Variants in SUCO observed in about 807,000 individuals in gnomAD.
SUCO encodes the protein SUN domain containing ossification factor, also known as SUN domain-containing ossification factor.
In SUCO, 57 loss-of-function variants were observed where a neutral mutation model predicts 148.1. The observed-to-expected ratio is 0.38, with a 90% CI of 0.31 to 0.48. The LOEUF is 0.48. Among genes scored for constraint, SUCO ranks in the 20% least tolerant of loss-of-function variants. The pLI is 0.96. For missense variants in SUCO, 1,331 were observed against 1,468.2 expected (o/e 0.91, Z 1.53); for synonymous variants, 470 against 502.7 (o/e 0.93, Z 0.87).
At chr1:172,602,925 A>C in intron 22 of SUCO, 138 bp downstream of exon 22, 1 of 699,752 alleles carries the variant, frequency 1.4e-6, no homozygotes, top group South Asian at 2.0e-5. Context: ...TGCTGTGTCA[A>C]GCCACTTTAT....
At chr1:172,604,579 T>G (rs1657739667) in intron 22 of SUCO, among the ~76,000 whole-genome samples, 1 of 151,904 alleles carries the variant, frequency 6.6e-6, no homozygotes, top group African/African-American at 2.4e-5. Flanking sequence ...GCACAGTTCA[T>G]TAGTAGTAAG....
chr1:172,533,640 A>C, intron 1 of SUCO, 143 bp downstream of exon 1: 2 of 1,074,638 alleles, frequency 1.9e-6, no homozygotes, highest in East Asian at 2.7e-5. Context: ...TTACTTCTCG[A>C]CTCTCCATCT....
At position 172,556,127 on chromosome 1, in the gene SUCO, G is replaced by A. The variant is rs149079410; in HGVS notation, c.443+104G>A. 1.5e-4 allele frequency: 127 copies of A among 847,666 alleles called. 1 individual carries two copies. Among genetic ancestry groups the A allele is most frequent in the Middle Eastern group, 1.4e-3 (5 of 3,480 alleles). 52.5% of individuals were successfully genotyped at this position (847,666 alleles called of 1,614,324 possible). On this transcript the variant is annotated intron_variant, in intron 4 of 23. Coordinates refer to ENST00000263688, the MANE Select transcript of SUCO (RefSeq NM_014283.5). ...GCTTGATACTCAAGTTTGAAGTTTAGGCTATATAGCAGACCTAAATTACAG... is the reference window on the plus strand; with the variant it reads ...GCTTGATACTCAAGTTTGAAGTTTAAGCTATATAGCAGACCTAAATTACAG...
intron 6 of SUCO, chr1:172,568,249 T>G: frequency 2.2e-6 from 2 of 929,518 alleles, no homozygotes; most frequent in Non-Finnish European, 2.6e-6. Flanking sequence ...TTGGATTCCA[T>G]GATTATTACT....
At chr1:172,599,481 T>A (rs749159231) in intron 19 of SUCO, 9 of 709,794 alleles carry the variant, frequency 1.3e-5, no homozygotes, top group Non-Finnish European at 1.6e-5. Flanking sequence ...AATTCAGTGC[T>A]GCCTAAAACA....
intron 1 of SUCO, among the ~76,000 whole-genome samples, chr1:172,537,870 C>T (rs971966534): frequency 1.3e-5 from 2 of 152,126 alleles, no homozygotes; most frequent in Non-Finnish European, 2.9e-5. Context: ...AACTGTATGT[C>T]TTTGGACAAG....
At chr1:172,601,162 C>T (rs1657493979) in intron 20 of SUCO, among the ~76,000 whole-genome samples, 1 of 152,106 alleles carries the variant, frequency 6.6e-6, no homozygotes, top group African/African-American at 2.4e-5. Context: ...TGTTGGGGAA[C>T]AGCAGGAGCA....
chr1:172,554,109 A>T (rs1024988320), intron 3 of SUCO, among the ~76,000 whole-genome samples: 6 of 152,062 alleles, frequency 3.9e-5, no homozygotes, highest in African/African-American at 1.4e-4. Context: ...TTTATTTTTT[A>T]ACCTTGTACT....
chr1:172,561,698 G>A (rs190361798), intron 6 of SUCO, among the ~76,000 whole-genome samples: 1 of 152,136 alleles, frequency 6.6e-6, no homozygotes, highest in East Asian at 1.9e-4. Context: ...AGGGTTCAAG[G>A]ACCAATGAGT....
At chr1:172,609,779 A>G (rs767973965) in intron 23 of SUCO, 37 bp from the exon 24 acceptor site, 2 of 1,560,658 alleles carry the variant, frequency 1.3e-6, no homozygotes, top group East Asian at 4.5e-5. Context: ...TACTATGGGA[A>G]GTATCATTAC....
At chr1:172,561,241 A>C (rs182002350) in intron 6 of SUCO, among the ~76,000 whole-genome samples, 128 of 152,328 alleles carry the variant, frequency 8.4e-4, no homozygotes, top group African/African-American at 2.9e-3. Context: ...ATACATACCC[A>C]ACTTCCCAGG....
chr1:172,602,107 G>A lies in SUCO; in HGVS notation c.3062G>A (p.Cys1021Tyr). Residue 1021 changes from cysteine (C) to tyrosine (Y), a missense_variant, in exon 21 of 24, where the codon TGT (cysteine) becomes TAT (tyrosine). Cys to Tyr is a radical substitution (Grantham distance 194). Coordinates refer to ENST00000263688, the MANE Select transcript of SUCO (RefSeq NM_014283.5). ...QSYLVISLVLCVVLGLMLCMQ... is the reference protein window; with the variant it reads ...QSYLVISLVLYVVLGLMLCMQ... ...TATCTTGTCATATCTTTGGTTCTTTGTGTTGTCTTGGGACTGATGCTTTGT... is the reference window on the plus strand; with the variant it reads ...TATCTTGTCATATCTTTGGTTCTTTATGTTGTCTTGGGACTGATGCTTTGT... 1 of 1,612,728 alleles carries A rather than the reference G, an allele frequency of 6.2e-7. No individual in the cohort carries two copies. Among genetic ancestry groups the A allele is most frequent in the Non-Finnish European group, 8.5e-7 (1 of 1,179,438 alleles).
chr1:172,567,343 CTG>C (rs148733551), intron 6 of SUCO, among the ~76,000 whole-genome samples: 5,162 of 152,150 alleles, frequency 0.034, 264 homozygotes, highest in African/African-American at 0.12. Flanking sequence ...GAATAAATGT[CTG>C]TATTCATTAT....
At chr1:172,609,389 C>T (rs1658067218) in intron 23 of SUCO, 2 of 965,592 alleles carry the variant, frequency 2.1e-6, no homozygotes, top group Middle Eastern at 5.3e-4. Context: ...GATTCATTCT[C>T]AACCCGGCTG....
chr1:172,567,427 T>C (rs1413151026), intron 6 of SUCO, among the ~76,000 whole-genome samples: 1 of 152,254 alleles, frequency 6.6e-6, no homozygotes, highest in African/African-American at 2.4e-5. Context: ...TCTTCAGATA[T>C]AACCACTGTC....
chr1:172,574,029 A>G (rs769125506), intron 10 of SUCO, 31 bp downstream of exon 10: 11 of 1,253,116 alleles, frequency 8.8e-6, no homozygotes, highest in Middle Eastern at 1.9e-4. Context: ...TATAGGGTCT[A>G]TGTTGGATCT....
At chr1:172,543,124 A>G (rs1324384534) in intron 1 of SUCO, 19 of 517,464 alleles carry the variant, frequency 3.7e-5, no homozygotes, top group Non-Finnish European at 4.7e-5. Flanking sequence ...TTTGTCTTAC[A>G]TGCAGCTTTG....
At chr1:172,609,466 A>T in intron 23 of SUCO, 1 of 909,188 alleles carries the variant, frequency 1.1e-6, no homozygotes, top group Non-Finnish European at 1.3e-6. Context: ...TTAAGAATCA[A>T]GGATAAAATA....
At chr1:172,561,370 G>A (rs994035380) in intron 6 of SUCO, among the ~76,000 whole-genome samples, 3 of 152,112 alleles carry the variant, frequency 2.0e-5, no homozygotes, top group Non-Finnish European at 2.9e-5. Context: ...GGTCTGTGGG[G>A]GATGTTTGTG....
Sources: gnomAD v4.1 joint callset for allele counts (sites outside exome capture counted in the v4.1 genomes callset) on GRCh38, gnomAD v4.1.1 for gene constraint, MANE v1.5 for transcripts, NCBI Gene and HGNC (gene_info 2026-07-23, HGNC 2026-07-21) for gene names.